The following EPB41 variants were observed in gnomAD, a reference collection of about 807,000 sequenced individuals.
EPB41 encodes erythrocyte membrane protein band 4.1, also known as protein 4.1.
Under a neutral mutation model 108.0 loss-of-function variants are expected in EPB41, and 65 were observed. The observed-to-expected ratio is 0.60, with a 90% CI of 0.49 to 0.74. EPB41 has a LOEUF of 0.74. Ranked by LOEUF, EPB41 falls within the 30% of genes least tolerant of loss-of-function variation. EPB41 has a pLI of 0.00. For synonymous variants in EPB41, 336 were observed against 358.9 expected (o/e 0.94, Z 0.72); for missense variants, 875 against 1,037.0 (o/e 0.84, Z 2.15).
In EPB41 at chr1:29,018,800, G is replaced by A. The variant is rs1235359671; in HGVS notation, c.1124+358G>A. 1.3e-5 allele frequency among the ~76,000 whole-genome samples: 2 copies of A among 152,138 alleles called. No individual in the cohort carries two copies. The highest frequency in any genetic ancestry group is 2.4e-5 in the African/African-American group (1 of 41,434). ...TGCATTAGGTACCTTGAGATCCTTAGAGCAGGGGTTTTTAATTTGAGATCT... is the reference window on the plus strand; with the variant it reads ...TGCATTAGGTACCTTGAGATCCTTAAAGCAGGGGTTTTTAATTTGAGATCT... On this transcript the variant is annotated intron_variant, in intron 7 of 20. Transcript: ENST00000343067. This position sits in a 1 kb window ranked among gnomAD's most constrained non-coding sequence, Gnocchi z 4.4.
In EPB41 at chr1:29,018,447, A is replaced by G. The variant is rs2096603719; in HGVS notation, c.1124+5A>G. 1 of 1,612,964 alleles carries G rather than the reference A, an allele frequency of 6.2e-7. No individual in the cohort carries two copies. Among genetic ancestry groups the G allele is most frequent in the East Asian group, 2.2e-5 (1 of 44,824 alleles). On this transcript the variant is annotated splice_donor_5th_base_variant and intron_variant, in intron 7 of 20. Coordinates refer to ENST00000343067, the MANE Select transcript of EPB41 (RefSeq NM_001376013.1). The surrounding 1 kb of genome is among the most constrained non-coding windows in gnomAD (Gnocchi z 4.4). The stretch of plus-strand genomic sequence containing the variant: ...GGAACTGCATAAGTCATACAGGTGA[A>G]TATGTCTCCAGGGTTTGTTCGGTGT...
At chr1:29,017,976 A>AT (rs930889414) in intron 6 of EPB41, among the ~76,000 whole-genome samples, 2 of 151,962 alleles carry the variant, frequency 1.3e-5, no homozygotes, top group East Asian at 1.9e-4. Context: ...TAGTTACAGT[A>AT]TTTTTTTTAA....
In EPB41 at chr1:29,004,985, G is replaced by A. The variant is rs536285122; in HGVS notation, c.787-6880G>A. Among the ~76,000 whole-genome samples the A allele has an allele frequency of 2.4e-4, 36 of 152,266 alleles. 1 individual carries two copies. In the South Asian group the frequency reaches 4.6e-3, roughly 19 times the overall value. On this transcript the variant is annotated intron_variant, in intron 4 of 20. Transcript: ENST00000343067. ...TAAGGGTAGCTGATGACTAACTCGG[G>A]GAATGGAGTTCTTTTTTTTAAAACA...
chr1:29,007,526 G>A (rs1261792999), intron 4 of EPB41, among the ~76,000 whole-genome samples: 1 of 152,184 alleles, frequency 6.6e-6, no homozygotes, highest in Non-Finnish European at 1.5e-5. Flanking sequence ...TTTCAGCTGT[G>A]CCATGTCCTC....
At chr1:28,957,067 G>C (rs1322386126) in intron 1 of EPB41, among the ~76,000 whole-genome samples, 1 of 152,264 alleles carries the variant, frequency 6.6e-6, no homozygotes, top group Non-Finnish European at 1.5e-5. Context: ...GATTGTGGTT[G>C]AATCTGGAGT....
intron 11 of EPB41, among the ~76,000 whole-genome samples, chr1:29,052,648 C>T (rs1184180032): frequency 6.6e-6 from 1 of 152,144 alleles, no homozygotes; most frequent in Non-Finnish European, 1.5e-5. Context: ...AGAAATCAGA[C>T]TTAATTCTTT....
At chr1:29,041,530 G>C (rs187375707) in intron 11 of EPB41, 5 of 152,076 alleles carry the variant, frequency 3.3e-5, no homozygotes, top group Admixed American at 6.6e-5. Flanking sequence ...AATCCAAATA[G>C]GGTATTATTG....
intron 1 of EPB41, among the ~76,000 whole-genome samples, chr1:28,968,387 G>A (rs1445463094): frequency 1.3e-5 from 2 of 151,924 alleles, no homozygotes; most frequent in Admixed American, 1.3e-4. Flanking sequence ...ACAAAACTCT[G>A]TTTTTGTACA....
chr1:29,051,897 T>A (rs1644589192), intron 11 of EPB41, among the ~76,000 whole-genome samples: 1 of 144,686 alleles, frequency 6.9e-6, no homozygotes, highest in Non-Finnish European at 1.5e-5. Context: ...GACTCCATCT[T>A]AAAAAAAAAA....
intron 16 of EPB41, chr1:29,072,613 G>T (rs370569897): frequency 6.6e-6 from 1 of 152,072 alleles, no homozygotes; most frequent in East Asian, 1.9e-4. Context: ...AAGAGTCCTC[G>T]GAGATCTTTA....
chr1:28,918,860 T>G (rs1382760413), intron 1 of EPB41, among the ~76,000 whole-genome samples: 2 of 152,248 alleles, frequency 1.3e-5, no homozygotes, highest in Non-Finnish European at 2.9e-5. Context: ...TGTTGTTCAT[T>G]TAAGTTTCTT....
At chr1:28,938,192 GT>G (rs1316691363) in intron 1 of EPB41, among the ~76,000 whole-genome samples, 1 of 152,144 alleles carries the variant, frequency 6.6e-6, no homozygotes, top group Admixed American at 6.5e-5. Context: ...GCTATCCCTT[GT>G]ATTTCCATAT....
Position 29,097,812 on chromosome 1 carries a change from C to T in EPB41, c.2190C>T (p.Pro730=). ...NGQIPTGEGP[P]LVKTQTVTIS... is the part of the protein sequence containing the mutation. ...CTTTCCTTACTGCTTCACAGCCTCC[C>T]CTGGTGAAGACACAAACTGTCACCA... Residue 730 remains proline (P), a synonymous_variant, in exon 17 of 21, where the codon CCC becomes CCT. Coordinates refer to ENST00000343067, the MANE Select transcript of EPB41 (RefSeq NM_001376013.1). 2.5e-6 allele frequency: 4 copies of T among 1,613,982 alleles called. No individual in the cohort carries two copies. The highest frequency in any genetic ancestry group is 3.4e-6 in the Non-Finnish European group (4 of 1,179,894).
intron 8 of EPB41, among the ~76,000 whole-genome samples, chr1:29,032,353 T>C (rs2096801260): frequency 6.6e-6 from 1 of 152,190 alleles, no homozygotes; most frequent in Non-Finnish European, 1.5e-5. Context: ...GAAATGTAGT[T>C]ATACCCACAA....
rs1269543246 is a variant in EPB41 at position 29,075,619 on chromosome 1, TC to T, written c.2184+10462del. Among the ~76,000 whole-genome samples the T allele has an allele frequency of 3.9e-5, 6 of 152,336 alleles. No individual in the cohort carries two copies. In the South Asian group the frequency reaches 1.2e-3, roughly 32 times the overall value. ...ATAGAGTCTCAACTATCTTTTCTTG[TC>T]TCAAAATCAACAAAGGCAGGTGAGC... On this transcript the variant is annotated intron_variant, in intron 16 of 20. Coordinates refer to ENST00000343067, the MANE Select transcript of EPB41 (RefSeq NM_001376013.1).
intron 16 of EPB41, among the ~76,000 whole-genome samples, chr1:29,084,745 A>G (rs1658101897): frequency 1.3e-5 from 2 of 152,238 alleles, no homozygotes; most frequent in Non-Finnish European, 2.9e-5. Flanking sequence ...ACTATCCATT[A>G]TAAATGGTAT....
At chr1:29,036,842 GT>G (rs1010582397) in intron 10 of EPB41, among the ~76,000 whole-genome samples, 2 of 151,576 alleles carry the variant, frequency 1.3e-5, no homozygotes, top group Admixed American at 1.3e-4. Context: ...TACCTAGCTA[GT>G]TTTTGTTTTT....
intron 1 of EPB41, among the ~76,000 whole-genome samples, chr1:28,926,303 T>C (rs1314157607): frequency 6.6e-6 from 1 of 152,156 alleles, no homozygotes; most frequent in African/African-American, 2.4e-5. Context: ...CAAATACATA[T>C]CTTTTAAGGT....
chr1:28,964,556 G>A (rs954761580), intron 1 of EPB41, among the ~76,000 whole-genome samples: 8 of 151,914 alleles, frequency 5.3e-5, no homozygotes, highest in South Asian at 2.1e-4. Flanking sequence ...AGCCAAGATC[G>A]TGCCACTGCA....
Sources: allele counts gnomAD v4.1 joint callset (sites outside exome capture counted in the v4.1 genomes callset), GRCh38; gene constraint gnomAD v4.1.1; non-coding constraint Gnocchi (gnomAD v3.1); transcripts MANE v1.5; gene names NCBI Gene and HGNC (gene_info 2026-07-23, HGNC 2026-07-21).